PRKCA: variants seen among roughly 807,000 people sequenced by gnomAD.
PRKCA encodes the protein protein kinase C alpha, also known as protein kinase C alpha type.
A neutral mutation model predicts 87.0 loss-of-function variants in PRKCA; 27 were observed. That is an observed-to-expected ratio of 0.31 (90% CI 0.23 to 0.43). PRKCA has a LOEUF of 0.43. Ranked by LOEUF, PRKCA falls within the 20% of genes least tolerant of loss-of-function variation. The pLI is 1.00. For missense variants in PRKCA, 518 were observed against 852.3 expected (o/e 0.61, Z 4.88); for synonymous variants, 329 against 311.1 (o/e 1.06, Z -0.61).
chr17:66,649,066 C>G (rs974053673), intron 5 of PRKCA, among the ~76,000 whole-genome samples: 1 of 151,118 alleles, frequency 6.6e-6, no homozygotes, highest in African/African-American at 2.4e-5. Flanking sequence ...CCACTGCGTT[C>G]CAGCCTGGGC....
intron 3 of PRKCA, among the ~76,000 whole-genome samples, chr17:66,584,594 A>G (rs1298697522): frequency 6.6e-6 from 1 of 152,152 alleles, no homozygotes; most frequent in Non-Finnish European, 1.5e-5. Flanking sequence ...TCCCAAATCA[A>G]CATGTCAGGA....
intron 3 of PRKCA, among the ~76,000 whole-genome samples, chr17:66,504,289 A>G (rs552140692): frequency 4.0e-5 from 6 of 148,620 alleles, no homozygotes; most frequent in Admixed American, 2.0e-4. Flanking sequence ...GAGTTGTACT[A>G]TAAGATTGCA....
chr17:66,581,030 C>T (rs564474837), intron 3 of PRKCA, among the ~76,000 whole-genome samples: 11 of 152,156 alleles, frequency 7.2e-5, no homozygotes, highest in Admixed American at 2.6e-4. Flanking sequence ...GTTACCCATC[C>T]GGGGTCAAAC....
intron 3 of PRKCA, among the ~76,000 whole-genome samples, chr17:66,583,515 T>C (rs1969505475): frequency 6.6e-6 from 1 of 152,018 alleles, no homozygotes; most frequent in African/African-American, 2.4e-5. Flanking sequence ...GGAAATATTC[T>C]TGAAGAATTA....
At chr17:66,526,414 G>A (rs1967349692) in intron 3 of PRKCA, among the ~76,000 whole-genome samples, 1 of 152,142 alleles carries the variant, frequency 6.6e-6, no homozygotes, top group Admixed American at 6.5e-5. Flanking sequence ...TCACCTGAGG[G>A]TTGGCTGATT....
intron 2 of PRKCA, among the ~76,000 whole-genome samples, chr17:66,481,508 C>A (rs888207224): frequency 3.3e-5 from 5 of 152,120 alleles, no homozygotes; most frequent in African/African-American, 1.2e-4. Context: ...TGAAACGTTT[C>A]CCCCTGTTGG....
At chr17:66,710,349 C>T (rs1247977466) in intron 8 of PRKCA, among the ~76,000 whole-genome samples, 1 of 152,072 alleles carries the variant, frequency 6.6e-6, no homozygotes, top group Admixed American at 6.5e-5. Flanking sequence ...TACTCAATCT[C>T]GTTTTCTCAC....
chr17:66,576,787 G>A (rs1253921690), intron 3 of PRKCA, among the ~76,000 whole-genome samples: 1 of 152,086 alleles, frequency 6.6e-6, no homozygotes, highest in East Asian at 1.9e-4. Context: ...TTTTCACTTA[G>A]AGAGGGCTTA....
chr17:66,466,274 G>A (rs1200961477), intron 2 of PRKCA, among the ~76,000 whole-genome samples: 2 of 152,228 alleles, frequency 1.3e-5, no homozygotes, highest in Non-Finnish European at 2.9e-5. Flanking sequence ...GAATTTGTGT[G>A]TGGGTGGAGG....
At chr17:66,742,066 G>A (rs61761548) in intron 12 of PRKCA, among the ~76,000 whole-genome samples, 3,655 of 152,292 alleles carry the variant, frequency 0.024, 48 homozygotes, top group Non-Finnish European at 0.03. Context: ...AGAACACAGG[G>A]AACTGGGGAG....
At chr17:66,742,824 G>C in intron 13 of PRKCA, 64 bp downstream of exon 13, 1 of 1,553,706 alleles carries the variant, frequency 6.4e-7, no homozygotes, top group South Asian at 1.2e-5. Context: ...GCCCTCTCAT[G>C]GGTTATAGGG....
At chr17:66,640,833 A>G (rs973571374) in intron 3 of PRKCA, 9 of 394,700 alleles carry the variant, frequency 2.3e-5, no homozygotes, top group Non-Finnish European at 9.9e-6. Flanking sequence ...ATTTCACCCC[A>G]TAAATAGAGG....
At chr17:66,448,858 CA>C (rs34347849) in intron 2 of PRKCA, among the ~76,000 whole-genome samples, 72,183 of 144,932 alleles carry the variant, frequency 0.5, 17,241 homozygotes, top group Middle Eastern at 0.59. Context: ...GAGATTCTGG[CA>C]AAAAAAAAAA....
chr17:66,441,162 CAAAAAAAAAAAAAAA>C (rs199828612), intron 2 of PRKCA, among the ~76,000 whole-genome samples: 3 of 107,208 alleles, frequency 2.8e-5, no homozygotes, highest in Admixed American at 9.6e-5. Flanking sequence ...ACTCTGTCTC[CAAAAAAAAAAAAAAA>C]AAAAAAAAAA....
chr17:66,381,933 A>G (rs545688398), intron 2 of PRKCA, among the ~76,000 whole-genome samples: 268 of 152,306 alleles, frequency 1.8e-3, no homozygotes, highest in African/African-American at 6.2e-3. Context: ...CTGGTAATAC[A>G]ATGATGTGTT....
chr17:66,633,101 G>T (rs190878667), intron 3 of PRKCA, among the ~76,000 whole-genome samples: 3 of 152,130 alleles, frequency 2.0e-5, no homozygotes, highest in Non-Finnish European at 4.4e-5. Flanking sequence ...GGCCAAGTGC[G>T]ATCCTAAGCC....
At chr17:66,642,567 A>T (rs1004307738) in intron 4 of PRKCA, among the ~76,000 whole-genome samples, 1 of 152,162 alleles carries the variant, frequency 6.6e-6, no homozygotes, top group South Asian at 2.1e-4. Flanking sequence ...ATATCAGCCT[A>T]TTGCCATTTG....
chr17:66,554,880 C>CTT (rs565435672), intron 3 of PRKCA, among the ~76,000 whole-genome samples: 4 of 138,518 alleles, frequency 2.9e-5, no homozygotes, highest in Non-Finnish European at 3.1e-5. Flanking sequence ...ATTGTAAATT[C>CTT]TTTTTTTTTT....
intron 2 of PRKCA, among the ~76,000 whole-genome samples, chr17:66,332,885 G>T (rs918746269): frequency 6.6e-6 from 1 of 152,022 alleles, no homozygotes; most frequent in Non-Finnish European, 1.5e-5. Flanking sequence ...TAGAGACGGG[G>T]TTTCACCATG....
Sources: allele counts gnomAD v4.1 joint callset (sites outside exome capture counted in the v4.1 genomes callset), GRCh38; gene constraint gnomAD v4.1.1; transcripts MANE v1.5; gene names NCBI Gene and HGNC (gene_info 2026-07-23, HGNC 2026-07-21).